SEMA5A: variants seen among roughly 807,000 people sequenced by gnomAD.
SEMA5A encodes semaphorin 5A, also known as semaphorin-5A.
A neutral mutation model predicts 135.5 loss-of-function variants in SEMA5A; 55 were observed. The observed-to-expected ratio is 0.41, with a 90% CI of 0.33 to 0.51. The LOEUF (loss-of-function observed/expected upper bound fraction) is 0.51. SEMA5A is among the 20% of genes least tolerant of loss of function. SEMA5A has a pLI of 0.37. For synonymous variants in SEMA5A, 580 were observed against 546.5 expected, an observed-to-expected ratio of 1.06 and a Z score of -0.85; for missense variants, 1,290 against 1,419.9, an observed-to-expected ratio of 0.91 and a Z score of 1.47.
At chr5:9,488,278 T>C (rs552563122) in intron 1 of SEMA5A, among the ~76,000 whole-genome samples, 14 of 152,248 alleles carry the variant, frequency 9.2e-5, no homozygotes, top group African/African-American at 3.4e-4. Context: ...TTGGTCTAGA[T>C]TGGCATGTCC....
chr5:9,279,670 G>A (rs921936299), intron 5 of SEMA5A, among the ~76,000 whole-genome samples: 3 of 152,078 alleles, frequency 2.0e-5, no homozygotes, highest in East Asian at 3.9e-4. Flanking sequence ...CCCCCTTGCT[G>A]TTCTCATGAT....
intron 5 of SEMA5A, among the ~76,000 whole-genome samples, chr5:9,303,567 AAT>A (rs1751719112): frequency 6.6e-6 from 1 of 152,104 alleles, no homozygotes; most frequent in South Asian, 2.1e-4. Flanking sequence ...TAGGAGGTAT[AAT>A]ATATTATAAA....
intron 16 of SEMA5A, among the ~76,000 whole-genome samples, chr5:9,086,773 C>T (rs745704245): frequency 6.6e-5 from 10 of 152,218 alleles, no homozygotes; most frequent in Middle Eastern, 3.4e-3. Flanking sequence ...CCCAATAATC[C>T]GTTTATGAAT....
chr5:9,481,322 G>C (rs1469750557), intron 1 of SEMA5A, among the ~76,000 whole-genome samples: 4 of 152,076 alleles, frequency 2.6e-5, no homozygotes, highest in African/African-American at 9.7e-5. Context: ...CACAATTTAG[G>C]CTGCAGGAAC....
At chr5:9,152,529 TC>T (rs1742686372) in intron 12 of SEMA5A, among the ~76,000 whole-genome samples, 1 of 152,208 alleles carries the variant, frequency 6.6e-6, no homozygotes, top group African/African-American at 2.4e-5. Context: ...GCTGGGAGGT[TC>T]CTGGCATTAT....
intron 1 of SEMA5A, among the ~76,000 whole-genome samples, chr5:9,513,740 G>A (rs1271754110): frequency 1.3e-5 from 2 of 152,048 alleles, no homozygotes; most frequent in Non-Finnish European, 2.9e-5. Flanking sequence ...ATATTTTTAC[G>A]TTTTAATTAT....
intron 8 of SEMA5A, among the ~76,000 whole-genome samples, chr5:9,213,555 G>A (rs1746458653): frequency 6.6e-6 from 1 of 152,160 alleles, no homozygotes. Flanking sequence ...TGGGTTGTCT[G>A]GGGGAAGAGC....
intron 1 of SEMA5A, among the ~76,000 whole-genome samples, chr5:9,463,930 A>G (rs1015510442): frequency 6.6e-6 from 1 of 152,198 alleles, no homozygotes; most frequent in African/African-American, 2.4e-5. Flanking sequence ...ACTGGTTGAT[A>G]AGCTACACTC....
intron 11 of SEMA5A, among the ~76,000 whole-genome samples, chr5:9,168,658 C>T (rs1049387637): frequency 6.6e-6 from 1 of 152,182 alleles, no homozygotes; most frequent in Non-Finnish European, 1.5e-5. Context: ...GTGACAGGGG[C>T]TGGATGTACA....
intron 2 of SEMA5A, among the ~76,000 whole-genome samples, chr5:9,414,199 TTTGAGGCTTTA>T (rs1240543204): frequency 3.3e-5 from 5 of 152,226 alleles, no homozygotes; most frequent in Non-Finnish European, 7.3e-5. Flanking sequence ...CATTTTAATA[TTTGAGGCTTTA>T]AAGGATACCA....
rs1478639050 is a variant in SEMA5A, at chr5:9,040,074, G to A, written c.*2823C>T. On this transcript the variant is annotated 3_prime_UTR_variant, in exon 23 of 23. Transcript: ENST00000382496. ...TTTTAGAAGTTAAATAGTGATTAAT[G>A]TCATTTTACATCAGGTGCAGAAAGG... 2.0e-5 allele frequency: 3 copies of A among 152,206 alleles called. No individual in the cohort carries two copies. The highest frequency in any genetic ancestry group is 4.4e-5 in the Non-Finnish European group (3 of 68,038). The allele number at this position is 152,206 out of a possible 1,614,324, so 9.4% of individuals were successfully genotyped here.
chr5:9,384,705 T>C (rs71597583), intron 2 of SEMA5A, among the ~76,000 whole-genome samples: 4,613 of 138,314 alleles, frequency 0.033, 308 homozygotes, highest in Non-Finnish European at 0.053. Context: ...GATAGATAGA[T>C]AGATAGATAG....
intron 2 of SEMA5A, among the ~76,000 whole-genome samples, chr5:9,389,621 C>G (rs1198535115): frequency 6.6e-6 from 1 of 152,184 alleles, no homozygotes; most frequent in African/African-American, 2.4e-5. Flanking sequence ...TTCCCTTACC[C>G]ACATTTAGAA....
At chr5:9,197,761 TG>T (rs1467829716) in intron 9 of SEMA5A, among the ~76,000 whole-genome samples, 1 of 143,402 alleles carries the variant, frequency 7.0e-6, no homozygotes, top group African/African-American at 2.7e-5. Context: ...TGTGTGTGTG[TG>T]TGTGTGTGTG....
chr5:9,529,741 C>T (rs1737340309), intron 1 of SEMA5A, among the ~76,000 whole-genome samples: 1 of 152,146 alleles, frequency 6.6e-6, no homozygotes, highest in African/African-American at 2.4e-5. Context: ...TAAATATGAA[C>T]TTAGCTTCCT....
intron 4 of SEMA5A, among the ~76,000 whole-genome samples, chr5:9,328,541 G>T (rs181599964): frequency 6.6e-6 from 1 of 152,132 alleles, no homozygotes; most frequent in Non-Finnish European, 1.5e-5. Context: ...CACTTTGAGA[G>T]GCCAAGGTGG....
chr5:9,353,885 T>C (rs183776334), intron 3 of SEMA5A, among the ~76,000 whole-genome samples: 22 of 151,734 alleles, frequency 1.4e-4, no homozygotes, highest in Non-Finnish European at 2.2e-4. Flanking sequence ...ATAAAGTCAC[T>C]GGCCTCACCC....
chr5:9,048,409 A>ATCTC (rs570632848), intron 21 of SEMA5A, among the ~76,000 whole-genome samples: 41 of 152,326 alleles, frequency 2.7e-4, no homozygotes, highest in African/African-American at 9.9e-4. Flanking sequence ...CAAGTGCAAA[A>ATCTC]TCTCTGAAAA....
intron 12 of SEMA5A, among the ~76,000 whole-genome samples, chr5:9,141,832 C>T (rs1742082285): frequency 6.6e-6 from 1 of 152,092 alleles, no homozygotes; most frequent in Non-Finnish European, 1.5e-5. Flanking sequence ...ATTCCTCGTG[C>T]CTATTAGATT....
Sources: gnomAD v4.1 joint callset for allele counts (sites outside exome capture counted in the v4.1 genomes callset) on GRCh38, gnomAD v4.1.1 for gene constraint, MANE v1.5 for transcripts, NCBI Gene and HGNC (gene_info 2026-07-23, HGNC 2026-07-21) for gene names.